DENND1A: variants seen among roughly 807,000 people sequenced by gnomAD.
DENND1A encodes the protein DENN domain containing 1A, also known as DENN domain-containing protein 1A.
Under a neutral mutation model 113.7 loss-of-function variants are expected in DENND1A, and 51 were observed. The ratio of observed to expected loss-of-function variants is 0.45; its 90% CI spans 0.36 to 0.57. The LOEUF (loss-of-function observed/expected upper bound fraction) is 0.57. Among genes scored for constraint, DENND1A ranks in the 20% least tolerant of loss-of-function variants. The probability of loss-of-function intolerance (pLI) is 0.00; values close to 1 mark genes in which losing one functional copy is unlikely to be tolerated. For synonymous variants in DENND1A, 565 were observed against 570.8 expected, an observed-to-expected ratio of 0.99 and a Z score of 0.14; for missense variants, 1,258 against 1,395.9, an observed-to-expected ratio of 0.90 and a Z score of 1.57.
chr9:123,866,610 G>T (rs1845825399), intron 2 of DENND1A, among the ~76,000 whole-genome samples: 1 of 152,118 alleles, frequency 6.6e-6, no homozygotes, highest in South Asian at 2.1e-4. Flanking sequence ...AAGTTGTGTT[G>T]TTTGATTTTG....
At chr9:123,568,154 T>C (rs2058155788) in intron 12 of DENND1A, among the ~76,000 whole-genome samples, 2 of 152,206 alleles carry the variant, frequency 1.3e-5, no homozygotes, top group African/African-American at 4.8e-5. Context: ...TGGATGAATA[T>C]ATTCTAGTGA....
intron 23 of DENND1A, 101 bp from the exon 24 acceptor site, chr9:123,382,726 T>A: frequency 7.9e-7 from 1 of 1,267,108 alleles, no homozygotes; most frequent in Non-Finnish European, 1.1e-6. Flanking sequence ...GTGCTGGGCC[T>A]AGTTGTGTGG....
chr9:123,744,314 C>A (rs1264717513), intron 5 of DENND1A, among the ~76,000 whole-genome samples: 1 of 152,078 alleles, frequency 6.6e-6, no homozygotes, highest in Non-Finnish European at 1.5e-5. Context: ...GGATATTTTC[C>A]ATGTCATCAA....
At chr9:123,453,037 C>T (rs2047851039) in intron 16 of DENND1A, among the ~76,000 whole-genome samples, 1 of 152,184 alleles carries the variant, frequency 6.6e-6, no homozygotes, top group Non-Finnish European at 1.5e-5. Context: ...GGCCTTCCCG[C>T]TCCTAAAAGA....
At chr9:123,564,221 C>T (rs1564727262) in intron 12 of DENND1A, among the ~76,000 whole-genome samples, 1 of 152,244 alleles carries the variant, frequency 6.6e-6, no homozygotes, top group African/African-American at 2.4e-5. Context: ...TTTTAATACA[C>T]ATTAGTGCTC....
chr9:123,432,561 G>A (rs769949924), intron 19 of DENND1A, among the ~76,000 whole-genome samples: 4 of 152,194 alleles, frequency 2.6e-5, no homozygotes, highest in Non-Finnish European at 2.9e-5. Flanking sequence ...GATCACCACC[G>A]TACCTCTGCT....
chr9:123,655,499 A>T (rs773193599), intron 8 of DENND1A, among the ~76,000 whole-genome samples: 14 of 152,220 alleles, frequency 9.2e-5, no homozygotes. Context: ...ACCCGCAGAA[A>T]AAGAACTGCC....
intron 3 of DENND1A, 147 bp downstream of exon 3, chr9:123,792,440 T>A: frequency 1.3e-6 from 1 of 788,612 alleles, no homozygotes; most frequent in East Asian, 2.8e-5. Flanking sequence ...TTCAATACGT[T>A]TTACTTTTTG....
At chr9:123,523,901 A>G (rs2054593982) in intron 13 of DENND1A, among the ~76,000 whole-genome samples, 3 of 152,190 alleles carry the variant, frequency 2.0e-5, no homozygotes, top group African/African-American at 7.2e-5. Context: ...TGAGGTGATC[A>G]TGGGCAGAGG....
chr9:123,888,770 G>A (rs1849469034), intron 1 of DENND1A, among the ~76,000 whole-genome samples: 1 of 152,192 alleles, frequency 6.6e-6, no homozygotes, highest in Non-Finnish European at 1.5e-5. Flanking sequence ...TTGCTGTAAA[G>A]GATGTTATTG....
At chr9:123,827,515 T>C in intron 2 of DENND1A, among the ~76,000 whole-genome samples, 1 of 151,798 alleles carries the variant, frequency 6.6e-6, no homozygotes, top group East Asian at 1.9e-4. Context: ...GAGTGAGACC[T>C]TGTCACACAC....
chr9:123,435,318 A>G (rs1390093520), intron 19 of DENND1A, among the ~76,000 whole-genome samples: 1 of 152,128 alleles, frequency 6.6e-6, no homozygotes, highest in Non-Finnish European at 1.5e-5. Context: ...TTGGCACTAA[A>G]TGACCTGGCT....
intron 2 of DENND1A, among the ~76,000 whole-genome samples, chr9:123,842,349 T>C (rs1841952589): frequency 6.6e-6 from 1 of 152,112 alleles, no homozygotes; most frequent in Admixed American, 6.5e-5. Flanking sequence ...AAGTACAATG[T>C]ATGAGAGGTG....
At chr9:123,602,368 A>T (rs2059969873) in intron 11 of DENND1A, among the ~76,000 whole-genome samples, 3 of 152,070 alleles carry the variant, frequency 2.0e-5, no homozygotes, top group African/African-American at 7.2e-5. Context: ...TCTTTCATAT[A>T]TTTTTTTCCA....
Position 123,381,150 on chromosome 9 carries a change from C to CTCTT in DENND1A, c.*278_*281dup, listed in dbSNP as rs3842224. On this transcript the variant is annotated 3_prime_UTR_variant, in exon 24 of 24. Transcript: ENST00000394215. The surrounding 1 kb of genome is among the most constrained non-coding windows in gnomAD (Gnocchi z 4.7). ...GAGCAATATCATTGGCCCAGCTGAC[C>CTCTT]TCTTTAGTGCAAAACCCAATCAAGG... 0.086 allele frequency: 40,132 copies of CTCTT among 465,214 alleles called. 2,055 individuals carry two copies. Among genetic ancestry groups the CTCTT allele is most frequent in the African/African-American group, 0.13 (6,488 of 50,216 alleles). 28.8% of individuals were successfully genotyped at this position (465,214 alleles called of 1,614,324 possible). A position where few individuals can be genotyped will look rare whatever the true frequency, so the allele number is the denominator to read the frequency against.
intron 11 of DENND1A, among the ~76,000 whole-genome samples, chr9:123,596,847 G>C (rs2059716850): frequency 6.6e-6 from 1 of 152,190 alleles, no homozygotes; most frequent in Non-Finnish European, 1.5e-5. Flanking sequence ...GTGTGACTTT[G>C]GACAAGTTAC....
At chr9:123,717,286 T>C (rs1484039520) in intron 5 of DENND1A, among the ~76,000 whole-genome samples, 1 of 152,202 alleles carries the variant, frequency 6.6e-6, no homozygotes, top group Non-Finnish European at 1.5e-5. Context: ...ACTGCAGTCC[T>C]GTTTGTTGAA....
chr9:123,662,228 T>C (rs1007161568), intron 8 of DENND1A, among the ~76,000 whole-genome samples: 1 of 152,142 alleles, frequency 6.6e-6, no homozygotes, highest in Non-Finnish European at 1.5e-5. Flanking sequence ...GTTGGGAAGA[T>C]AGAGTAATTT....
At chr9:123,772,790 C>A (rs1200341697) in intron 3 of DENND1A, among the ~76,000 whole-genome samples, 1 of 152,164 alleles carries the variant, frequency 6.6e-6, no homozygotes, top group East Asian at 1.9e-4. Context: ...CAGGAGGAAA[C>A]CAGTCCACCA....
Sources: allele counts gnomAD v4.1 joint callset (sites outside exome capture counted in the v4.1 genomes callset), GRCh38; gene constraint gnomAD v4.1.1; non-coding constraint Gnocchi (gnomAD v3.1); transcripts MANE v1.5; gene names NCBI Gene and HGNC (gene_info 2026-07-23, HGNC 2026-07-21).